The following CEP85L variants were observed in gnomAD, a reference collection of about 807,000 sequenced individuals.
The protein encoded by CEP85L is centrosomal protein 85L.
Under a neutral mutation model 100.3 loss-of-function variants are expected in CEP85L, and 60 were observed. The observed-to-expected ratio is 0.60, with a 90% CI of 0.49 to 0.74. The LOEUF is 0.74. Among genes scored for constraint, CEP85L ranks in the 30% least tolerant of loss-of-function variants. CEP85L has a pLI of 0.00. For synonymous variants in CEP85L, 319 were observed against 322.7 expected, an observed-to-expected ratio of 0.99 and a Z score of 0.12; for missense variants, 973 against 936.2, an observed-to-expected ratio of 1.04 and a Z score of -0.51.
chr6:118,585,875 G>A (rs936537673), intron 2 of CEP85L, among the ~76,000 whole-genome samples: 1 of 152,146 alleles, frequency 6.6e-6, no homozygotes, highest in African/African-American at 2.4e-5. Flanking sequence ...TCACCCACAT[G>A]CCAAAGACAA....
chr6:118,666,291 A>G (rs1776131905), intron 1 of CEP85L, among the ~76,000 whole-genome samples: 1 of 152,210 alleles, frequency 6.6e-6, no homozygotes, highest in Non-Finnish European at 1.5e-5. Context: ...CCTAAACTTA[A>G]GAGTCCTAGA....
intron 2 of CEP85L, among the ~76,000 whole-genome samples, chr6:118,628,221 C>T (rs758926154): frequency 9.2e-5 from 14 of 152,010 alleles, no homozygotes; most frequent in Non-Finnish European, 2.1e-4. Flanking sequence ...CAGGACTAGA[C>T]TCAAACACGG....
chr6:118,699,603 A>G (rs149534350), intron 1 of CEP85L, among the ~76,000 whole-genome samples: 36 of 152,236 alleles, frequency 2.4e-4, no homozygotes, highest in African/African-American at 8.2e-4. Flanking sequence ...TAACTCCATT[A>G]TATGTAAAAG....
intron 12 of CEP85L, 137 bp from the exon 13 acceptor site, chr6:118,465,705 A>C: frequency 1.4e-6 from 1 of 699,932 alleles, no homozygotes; most frequent in East Asian, 2.7e-5. Context: ...GTTATGTTTA[A>C]ATCATGCATC....
chr6:118,607,144 C>T (rs1474784992), intron 2 of CEP85L, among the ~76,000 whole-genome samples: 1 of 152,086 alleles, frequency 6.6e-6, no homozygotes, highest in Admixed American at 6.6e-5. Flanking sequence ...TGCTTAGCAC[C>T]CAATATCAAA....
At chr6:118,547,724 G>A (rs1233413273) in intron 3 of CEP85L, among the ~76,000 whole-genome samples, 4 of 152,070 alleles carry the variant, frequency 2.6e-5, no homozygotes, top group Non-Finnish European at 4.4e-5. Context: ...TTCTTTAACT[G>A]TAAGATAAAA....
chr6:118,557,464 G>A (rs1778944136), intron 3 of CEP85L, among the ~76,000 whole-genome samples: 1 of 152,178 alleles, frequency 6.6e-6, no homozygotes, highest in Admixed American at 6.5e-5. Context: ...TAACATTTAA[G>A]TATGTGTGGG....
chr6:118,558,652 C>CAGAGAGAGAGAGAGAGAG (rs1482465423), intron 3 of CEP85L, among the ~76,000 whole-genome samples: 33 of 132,956 alleles, frequency 2.5e-4, no homozygotes, highest in African/African-American at 1.0e-3. Context: ...CACACACACA[C>CAGAGAGAGAGAGAGAGAG]ACACACACAG....
At chr6:118,605,336 T>G (rs1026842535) in intron 2 of CEP85L, among the ~76,000 whole-genome samples, 7 of 152,276 alleles carry the variant, frequency 4.6e-5, no homozygotes, top group Middle Eastern at 6.8e-3. Context: ...CATCTCCCAG[T>G]GGGGGGTGGG....
At chr6:118,515,319 C>T (rs1430093991) in intron 4 of CEP85L, among the ~76,000 whole-genome samples, 1 of 152,010 alleles carries the variant, frequency 6.6e-6, no homozygotes, top group Non-Finnish European at 1.5e-5. Context: ...CAATAATTGA[C>T]ATTAATAGAA....
chr6:118,665,502 G>C (rs899622838), intron 1 of CEP85L, among the ~76,000 whole-genome samples: 6 of 151,982 alleles, frequency 3.9e-5, no homozygotes, highest in Admixed American at 1.3e-4. Flanking sequence ...GGGACTACAG[G>C]TGTGTGCCAC....
chr6:118,686,787 C>T (rs1206228006), intron 1 of CEP85L, among the ~76,000 whole-genome samples: 2 of 152,160 alleles, frequency 1.3e-5, no homozygotes, highest in East Asian at 3.9e-4. Flanking sequence ...TTGTGTTCTA[C>T]AATTCTAGGA....
chr6:118,540,754 TTAAATAAATAAATAAA>T (rs72219779), intron 3 of CEP85L, among the ~76,000 whole-genome samples: 21 of 147,722 alleles, frequency 1.4e-4, no homozygotes, highest in South Asian at 1.3e-3. Flanking sequence ...AGACCCCATC[TTAAATAAATAAATAAA>T]TAAATAAATA....
At chr6:118,489,953 G>GCA (rs752264637) in intron 6 of CEP85L, among the ~76,000 whole-genome samples, 1 of 150,238 alleles carries the variant, frequency 6.7e-6, no homozygotes. Context: ...ATATACACAT[G>GCA]CACACACACA....
At chr6:118,623,163 T>C (rs906252128) in intron 2 of CEP85L, among the ~76,000 whole-genome samples, 4 of 152,168 alleles carry the variant, frequency 2.6e-5, no homozygotes, top group African/African-American at 9.7e-5. Flanking sequence ...TTCTCCAAAC[T>C]ATGCGGCAGG....
intron 1 of CEP85L, among the ~76,000 whole-genome samples, chr6:118,661,102 G>A (rs970717547): frequency 5.3e-5 from 8 of 152,024 alleles, no homozygotes; most frequent in African/African-American, 1.9e-4. Flanking sequence ...GGCCAGGCTG[G>A]TCTCAAACTC....
chr6:118,483,953 AAC>A, intron 6 of CEP85L, 95 bp from the exon 7 acceptor site: 1 of 1,138,674 alleles, frequency 8.8e-7, no homozygotes, highest in Non-Finnish European at 1.2e-6. Flanking sequence ...TGAATTCACC[AAC>A]AGTTTCAGGT....
At chr6:118,614,302 A>G (rs890695142) in intron 2 of CEP85L, among the ~76,000 whole-genome samples, 3 of 152,236 alleles carry the variant, frequency 2.0e-5, no homozygotes, top group Admixed American at 6.5e-5. Context: ...ACTGAATGCT[A>G]TATCTGTGTA....
At chr6:118,605,625 T>C (rs1459982715) in intron 2 of CEP85L, among the ~76,000 whole-genome samples, 1 of 152,192 alleles carries the variant, frequency 6.6e-6, no homozygotes, top group Admixed American at 6.5e-5. Flanking sequence ...AAGAGGGTTT[T>C]TTCCCTAAAC....
Sources: gnomAD v4.1 joint callset for allele counts (sites outside exome capture counted in the v4.1 genomes callset) on GRCh38, gnomAD v4.1.1 for gene constraint, MANE v1.5 for transcripts, NCBI Gene and HGNC (gene_info 2026-07-23, HGNC 2026-07-21) for gene names.